Variants in GRIK1 observed in about 807,000 individuals in gnomAD.
GRIK1 encodes the protein glutamate receptor ionotropic, kainate 1.
Under a neutral mutation model 105.7 loss-of-function variants are expected in GRIK1, and 69 were observed. That is an observed-to-expected ratio of 0.65 (90% confidence interval 0.54 to 0.80). The LOEUF is 0.80. GRIK1 is among the 30% of genes least tolerant of loss of function. The pLI, the probability that GRIK1 is intolerant of heterozygous loss-of-function variation, is 0.00. For synonymous variants in GRIK1, 438 were observed against 431.3 expected (o/e 1.02, Z -0.19); for missense variants, 1,109 against 1,167.3 (o/e 0.95, Z 0.73).
chr21:29,604,689 A>C (rs1447946411), intron 7 of GRIK1, among the ~76,000 whole-genome samples: 1 of 152,160 alleles, frequency 6.6e-6, no homozygotes, highest in Non-Finnish European at 1.5e-5. Context: ...ACAATACTTA[A>C]ACTATTGTCC....
At chr21:29,738,533 C>T (rs2064852168) in intron 1 of GRIK1, among the ~76,000 whole-genome samples, 1 of 152,152 alleles carries the variant, frequency 6.6e-6, no homozygotes, top group South Asian at 2.1e-4. Flanking sequence ...AGAAATGATC[C>T]TTTGTGCTTA....
chr21:29,569,097 ACTT>A (rs984707542), intron 14 of GRIK1, among the ~76,000 whole-genome samples: 47 of 152,324 alleles, frequency 3.1e-4, no homozygotes, highest in African/African-American at 1.1e-3. Context: ...GGGCACTGAC[ACTT>A]CTTCTGGACT....
chr21:29,613,614 C>T (rs908022279), intron 7 of GRIK1, among the ~76,000 whole-genome samples: 1 of 152,102 alleles, frequency 6.6e-6, no homozygotes, highest in African/African-American at 2.4e-5. Context: ...ATCTATCCAT[C>T]CACCACCCAT....
intron 15 of GRIK1, among the ~76,000 whole-genome samples, chr21:29,555,893 A>C (rs1347625499): frequency 6.6e-6 from 1 of 152,196 alleles, no homozygotes; most frequent in Non-Finnish European, 1.5e-5. Flanking sequence ...TTTCTCAAGG[A>C]GGTAAACAAG....
intron 15 of GRIK1, among the ~76,000 whole-genome samples, chr21:29,558,935 G>T (rs2146145137): frequency 6.6e-6 from 1 of 152,244 alleles, no homozygotes; most frequent in East Asian, 1.9e-4. Flanking sequence ...TAGAAGGAAT[G>T]TCAATTAAAA....
intron 1 of GRIK1, among the ~76,000 whole-genome samples, chr21:29,700,418 C>G (rs1373186719): frequency 6.6e-6 from 1 of 152,146 alleles, no homozygotes; most frequent in Non-Finnish European, 1.5e-5. Context: ...AAGGGTAACA[C>G]TTAGAGAAGG....
intron 1 of GRIK1, among the ~76,000 whole-genome samples, chr21:29,825,618 T>C (rs771784105): frequency 3.9e-5 from 6 of 152,090 alleles, no homozygotes; most frequent in Admixed American, 3.3e-4. Context: ...ATTTTGCTAG[T>C]AGGATTTTTA....
intron 1 of GRIK1, among the ~76,000 whole-genome samples, chr21:29,781,489 C>T (rs2066097912): frequency 6.6e-6 from 1 of 152,110 alleles, no homozygotes; most frequent in African/African-American, 2.4e-5. Flanking sequence ...CTCTTCCCCA[C>T]CCCAAGCTGG....
chr21:29,754,733 T>A (rs555991631), intron 1 of GRIK1, among the ~76,000 whole-genome samples: 1 of 152,306 alleles, frequency 6.6e-6, no homozygotes, highest in Non-Finnish European at 1.5e-5. Flanking sequence ...AAGCAGATTA[T>A]TTTCCATAAT....
chr21:29,724,616 A>G (rs2064406893), intron 1 of GRIK1, among the ~76,000 whole-genome samples: 1 of 152,230 alleles, frequency 6.6e-6, no homozygotes, highest in Non-Finnish European at 1.5e-5. Context: ...TTTAAAGAAT[A>G]CATTAAATTT....
intron 1 of GRIK1, among the ~76,000 whole-genome samples, chr21:29,921,155 C>T (rs925578689): frequency 6.6e-6 from 1 of 151,980 alleles, no homozygotes; most frequent in African/African-American, 2.4e-5. Flanking sequence ...CCACCACTCC[C>T]ACAGTAGAAA....
chr21:29,856,814 A>C (rs769462602), intron 1 of GRIK1, among the ~76,000 whole-genome samples: 1 of 152,198 alleles, frequency 6.6e-6, no homozygotes, highest in Non-Finnish European at 1.5e-5. Flanking sequence ...AGCACAAAGA[A>C]CAGGAGGATG....
chr21:29,706,553 T>G (rs982237598), intron 1 of GRIK1, among the ~76,000 whole-genome samples: 5 of 152,224 alleles, frequency 3.3e-5, no homozygotes, highest in Admixed American at 1.3e-4. Flanking sequence ...GAGTCTGCAT[T>G]GACATGAATA....
At chr21:29,716,972 A>G (rs1404080545) in intron 1 of GRIK1, among the ~76,000 whole-genome samples, 1 of 152,232 alleles carries the variant, frequency 6.6e-6, no homozygotes, top group East Asian at 1.9e-4. Context: ...GCCTCAGGAC[A>G]TAGTGCCCTC....
chr21:29,596,649 G>T, intron 8 of GRIK1, 79 bp from the exon 9 acceptor site: 1 of 981,420 alleles, frequency 1.0e-6, no homozygotes, highest in Non-Finnish European at 1.6e-6. Context: ...GAATCATGGT[G>T]TGTGAGTGCT....
intron 1 of GRIK1, among the ~76,000 whole-genome samples, chr21:29,880,665 T>C (rs555710138): frequency 6.6e-6 from 1 of 152,264 alleles, no homozygotes; most frequent in African/African-American, 2.4e-5. Context: ...GTGACAACTT[T>C]ACACAATGGT....
At chr21:29,694,527 G>A (rs1039939811) in intron 1 of GRIK1, among the ~76,000 whole-genome samples, 1 of 152,196 alleles carries the variant, frequency 6.6e-6, no homozygotes, top group Non-Finnish European at 1.5e-5. Flanking sequence ...TTATCAGCAT[G>A]TGCCACATGC....
At chr21:29,611,168 C>T (rs1296176668) in intron 7 of GRIK1, among the ~76,000 whole-genome samples, 2 of 152,158 alleles carry the variant, frequency 1.3e-5, no homozygotes, top group Non-Finnish European at 2.9e-5. Flanking sequence ...TGATTTAATC[C>T]TCTAGAGGAT....
intron 1 of GRIK1, among the ~76,000 whole-genome samples, chr21:29,766,689 G>A (rs763687814): frequency 1.1e-4 from 17 of 152,148 alleles, no homozygotes; most frequent in Non-Finnish European, 2.5e-4. Flanking sequence ...CTGTTCGTGA[G>A]CATAGTACGA....
Sources: allele counts gnomAD v4.1 joint callset (sites outside exome capture counted in the v4.1 genomes callset), GRCh38; gene constraint gnomAD v4.1.1; transcripts MANE v1.5; gene names NCBI Gene and HGNC (gene_info 2026-07-23, HGNC 2026-07-21).